Variants in MYO10 observed in about 807,000 individuals in gnomAD.
MYO10 encodes unconventional myosin-X.
In MYO10, 133 loss-of-function variants were observed where a neutral mutation model predicts 257.3. The observed-to-expected ratio is 0.52, with a 90% CI of 0.45 to 0.60. The LOEUF (loss-of-function observed/expected upper bound fraction) is 0.60. Among genes scored for constraint, MYO10 ranks in the 20% least tolerant of loss-of-function variants. The pLI is 0.00. For synonymous variants in MYO10, 1,104 were observed against 1,028.6 expected (o/e 1.07, Z -1.40); for missense variants, 2,399 against 2,635.7 (o/e 0.91, Z 1.97).
intron 18 of MYO10, among the ~76,000 whole-genome samples, chr5:16,756,345 C>A (rs1296411336): frequency 6.6e-6 from 1 of 152,212 alleles, no homozygotes; most frequent in South Asian, 2.1e-4. Flanking sequence ...GGATTACAGG[C>A]ATGTGTCACC....
chr5:16,696,911 T>C (rs1579846013), intron 26 of MYO10, among the ~76,000 whole-genome samples: 1 of 152,016 alleles, frequency 6.6e-6, no homozygotes, highest in East Asian at 1.9e-4. Flanking sequence ...TGAAGAGAAT[T>C]TTCAAATTAA....
intron 33 of MYO10, among the ~76,000 whole-genome samples, chr5:16,676,821 T>G (rs1171630457): frequency 1.3e-5 from 2 of 152,294 alleles, no homozygotes; most frequent in African/African-American, 4.8e-5. Context: ...CTGGGCAACA[T>G]AGTGAGGCCC....
chr5:16,900,038 C>T (rs975211523), intron 1 of MYO10, among the ~76,000 whole-genome samples: 1 of 145,120 alleles, frequency 6.9e-6, no homozygotes, highest in African/African-American at 2.5e-5. Context: ...TTAAACAGCT[C>T]TGGGAAACTT....
At chr5:16,711,460 C>T (rs1336254616) in intron 19 of MYO10, among the ~76,000 whole-genome samples, 1 of 152,194 alleles carries the variant, frequency 6.6e-6, no homozygotes, top group Non-Finnish European at 1.5e-5. Flanking sequence ...CTGCCCCATC[C>T]ACAAGCTACT....
intron 10 of MYO10, among the ~76,000 whole-genome samples, chr5:16,768,493 TTTC>T (rs1328353041): frequency 1.3e-5 from 2 of 152,098 alleles, no homozygotes. Context: ...GTTGCTCATA[TTTC>T]CACGTACTTG....
At chr5:16,858,557 G>A (rs903375705) in intron 2 of MYO10, among the ~76,000 whole-genome samples, 4 of 151,960 alleles carry the variant, frequency 2.6e-5, no homozygotes, top group South Asian at 2.1e-4. Flanking sequence ...TCAATCCTCC[G>A]AGGTAACCAT....
intron 1 of MYO10, among the ~76,000 whole-genome samples, chr5:16,882,493 G>C (rs1302426253): frequency 2.6e-5 from 4 of 151,718 alleles, no homozygotes; most frequent in Non-Finnish European, 5.9e-5. Flanking sequence ...AAAAATACTG[G>C]AAACAATTCA....
Position 16,758,210 on chromosome 5 carries a change from C to A in MYO10, c.1756G>T (p.Asp586Tyr). 1 of 1,611,954 alleles carries A rather than the reference C, an allele frequency of 6.2e-7. No homozygotes were observed. Among genetic ancestry groups the A allele is most frequent in the Non-Finnish European group, 8.5e-7 (1 of 1,178,158 alleles). ...CGGCTTGAAACATGTTCAAAAAGAT[C>A]GTAGATAAAGTCAAATCTGTGTGAG... ...LRESRFDFIY[D>Y]LFEHVSSRNN... The change falls in exon 18 of 41, where the codon GAT becomes TAT. Residue 586 changes from aspartate (D) to tyrosine (Y), a missense_variant. Transcript: ENST00000513610.
intron 1 of MYO10, among the ~76,000 whole-genome samples, chr5:16,922,486 T>C (rs902667820): frequency 2.0e-5 from 3 of 152,104 alleles, no homozygotes; most frequent in Non-Finnish European, 2.9e-5. Context: ...AAATGAAGTG[T>C]AAGGGAAGGC....
In MYO10 at chr5:16,754,885, T is replaced by A; in HGVS notation, c.1872A>T (p.Ala624=). 1 of 1,601,934 alleles carries A rather than the reference T, an allele frequency of 6.2e-7. No homozygotes were observed. Among genetic ancestry groups the A allele is most frequent in the South Asian group, 1.1e-5 (1 of 88,586 alleles). ...AGAAAGGATTAGAGGAGCTTAGCGTTGCCATTAAGGAATGCAGTGAGTCCT... is the reference window on the plus strand; with the variant it reads ...AGAAAGGATTAGAGGAGCTTAGCGTAGCCATTAAGGAATGCAGTGAGTCCT... ...QFKDSLHSLM[A]TLSSSNPFFV... is the part of the protein sequence containing the mutation. Residue 624 remains alanine, a synonymous_variant, in exon 19 of 41, where the codon GCA becomes GCT. Coordinates refer to ENST00000513610, the MANE Select transcript of MYO10 (RefSeq NM_012334.3).
intron 4 of MYO10, among the ~76,000 whole-genome samples, chr5:16,784,429 C>A (rs1741513046): frequency 6.6e-6 from 1 of 152,182 alleles, no homozygotes. Flanking sequence ...CCAGCTGCTG[C>A]CGTTGTTTAG....
At chr5:16,852,044 C>T (rs1480191005) in intron 2 of MYO10, among the ~76,000 whole-genome samples, 1 of 101,566 alleles carries the variant, frequency 9.8e-6, no homozygotes, top group Non-Finnish European at 1.8e-5. Flanking sequence ...AAGCAAGACT[C>T]CATCTCAAAA....
chr5:16,740,409 G>A (rs1739975985), intron 19 of MYO10, among the ~76,000 whole-genome samples: 1 of 152,084 alleles, frequency 6.6e-6, no homozygotes, highest in African/African-American at 2.4e-5. Context: ...AGTTGGGGGT[G>A]CAGGTAGGGG....
intron 9 of MYO10, among the ~76,000 whole-genome samples, chr5:16,774,107 CTA>C (rs1405721014): frequency 6.6e-6 from 1 of 152,186 alleles, no homozygotes; most frequent in African/African-American, 2.4e-5. Flanking sequence ...TATTTCAACA[CTA>C]GGCTTCAAGA....
intron 3 of MYO10, among the ~76,000 whole-genome samples, chr5:16,800,850 A>C (rs896267928): frequency 1.3e-5 from 2 of 152,178 alleles, no homozygotes; most frequent in African/African-American, 2.4e-5. Context: ...AGGTCGTCTG[A>C]ATGCGTGGTT....
intron 18 of MYO10, among the ~76,000 whole-genome samples, chr5:16,757,105 C>T (rs904999000): frequency 1.5e-4 from 19 of 129,730 alleles, no homozygotes; most frequent in African/African-American, 5.8e-4. Flanking sequence ...GGTGACAGAG[C>T]GAGACTCTGC....
At chr5:16,912,631 A>G (rs1269851017) in intron 1 of MYO10, among the ~76,000 whole-genome samples, 4 of 152,172 alleles carry the variant, frequency 2.6e-5, no homozygotes, top group Non-Finnish European at 5.9e-5. Flanking sequence ...AAAAATGAGT[A>G]TGTTTTTAGG....
At chr5:16,821,319 A>G (rs1200149973) in intron 2 of MYO10, among the ~76,000 whole-genome samples, 2 of 150,288 alleles carry the variant, frequency 1.3e-5, no homozygotes, top group Non-Finnish European at 3.0e-5. Context: ...CACCAGGAAT[A>G]GCAAAATCAT....
chr5:16,723,463 T>TTTTAA (rs1274480839), intron 19 of MYO10, among the ~76,000 whole-genome samples: 5 of 151,870 alleles, frequency 3.3e-5, no homozygotes, highest in Non-Finnish European at 7.4e-5. Flanking sequence ...ATCCAGAAAA[T>TTTTAA]TGACAATATC....
Sources: gnomAD v4.1 joint callset for allele counts (sites outside exome capture counted in the v4.1 genomes callset) on GRCh38, gnomAD v4.1.1 for gene constraint, MANE v1.5 for transcripts, NCBI Gene and HGNC (gene_info 2026-07-23, HGNC 2026-07-21) for gene names.